Variants in DNAH8 observed in about 807,000 individuals in gnomAD.
DNAH8 encodes axonemal beta dynein heavy chain 8.
DNAH8 carries 382 observed loss-of-function variants against 562.1 expected under a neutral mutation model. That is an observed-to-expected ratio of 0.68 (90% CI 0.63 to 0.74). The LOEUF is 0.74. DNAH8 is among the 30% of genes least tolerant of loss of function. The probability of loss-of-function intolerance (pLI) is 0.00; values close to 1 mark genes in which losing one functional copy is unlikely to be tolerated. For missense variants in DNAH8, 5,203 were observed against 5,620.4 expected, an observed-to-expected ratio of 0.93 and a Z score of 2.37; for synonymous variants, 1,881 against 1,919.4, an observed-to-expected ratio of 0.98 and a Z score of 0.52.
At chr6:38,923,651 G>A (rs1781891866) in intron 72 of DNAH8, 1 of 225,998 alleles carries the variant, frequency 4.4e-6, no homozygotes. Flanking sequence ...AATAAAAAGG[G>A]AGGGGAAAGA....
At chr6:38,729,801 G>A (rs890265768) in intron 3 of DNAH8, 101 bp from the exon 4 acceptor site, 7 of 654,916 alleles carry the variant, frequency 1.1e-5, no homozygotes, top group Middle Eastern at 4.1e-4. Context: ...TTGCCTTTAT[G>A]TACCTTTGAA....
intron 18 of DNAH8, among the ~76,000 whole-genome samples, chr6:38,788,425 CA>C (rs1458317947): frequency 6.6e-6 from 1 of 152,220 alleles, no homozygotes; most frequent in Non-Finnish European, 1.5e-5. Context: ...GCTGGGATTA[CA>C]GGCCTGAGCC....
intron 73 of DNAH8, 88 bp downstream of exon 73, chr6:38,924,250 C>A: frequency 1.5e-6 from 2 of 1,327,140 alleles, no homozygotes; most frequent in South Asian, 1.3e-5. Flanking sequence ...TGGTGGCTCA[C>A]ATCTGTAATC....
chr6:38,723,539 G>C (rs1762950944), intron 3 of DNAH8, 68 bp downstream of exon 3: 2 of 1,502,170 alleles, frequency 1.3e-6, no homozygotes, highest in Non-Finnish European at 1.8e-6. Context: ...AGAAAATAGA[G>C]TTGTCATAAA....
chr6:38,738,989 A>G (rs939405009), intron 7 of DNAH8, among the ~76,000 whole-genome samples: 1 of 152,064 alleles, frequency 6.6e-6, no homozygotes, highest in African/African-American at 2.4e-5. Context: ...ACTTGGTATT[A>G]CCCTAAATAC....
chr6:38,873,048 T>C lies in DNAH8; in HGVS notation c.7380T>C (p.Phe2460=), dbSNP rs1328948005. The stretch of plus-strand genomic sequence containing the variant: ...TGGCCCCTAGTTGTAAGCTTCTGTT[T>C]GAAGTCCACAATATCGAGAACGCCT... ...IPMAPSCKLL[F]EVHNIENASP... The change falls in exon 51 of 93, where the codon TTT becomes TTC. Residue 2460 remains phenylalanine, a synonymous_variant. Transcript: ENST00000327475. 1 of 1,614,048 alleles carries C rather than the reference T, an allele frequency of 6.2e-7. No individual in the cohort carries two copies. Among genetic ancestry groups the C allele is most frequent in the African/African-American group, 1.3e-5 (1 of 74,936 alleles).
In DNAH8 at chr6:38,918,307, A is replaced by T. The variant is rs187033552; in HGVS notation, c.10524+167A>T. Among the ~76,000 whole-genome samples the T allele has an allele frequency of 3.1e-3, 473 of 152,270 alleles. 8 individuals are homozygous for T. Among genetic ancestry groups the T allele is most frequent in the Admixed American group, 0.028 (422 of 15,292 alleles). On this transcript the variant is annotated intron_variant, in intron 70 of 92. Transcript: ENST00000327475. ...CCTCTCAAAGTTTCTCCTTCTTTTT[A>T]TATCTGTTACATGTTTCTTGACAAT...
At chr6:38,839,883 A>G (rs2150367294) in intron 33 of DNAH8, among the ~76,000 whole-genome samples, 1 of 152,130 alleles carries the variant, frequency 6.6e-6, no homozygotes, top group East Asian at 1.9e-4. Flanking sequence ...GCTGGTCTCA[A>G]ACTCCTGACC....
At chr6:38,980,850 C>T (rs145865340) in intron 85 of DNAH8, among the ~76,000 whole-genome samples, 41 of 152,234 alleles carry the variant, frequency 2.7e-4, no homozygotes, top group Non-Finnish European at 4.1e-4. Flanking sequence ...ACTTTAAAAG[C>T]ATACCCTGAA....
chr6:38,923,905 C>G, intron 72 of DNAH8, 86 bp from the exon 73 acceptor site: 4 of 1,414,578 alleles, frequency 2.8e-6, no homozygotes, highest in Non-Finnish European at 3.9e-6. Context: ...GGATTTCACC[C>G]AGTAACAGAG....
At position 38,918,041 on chromosome 6, in the gene DNAH8, A is replaced by C. The variant is rs1397572434; in HGVS notation, c.10425A>C (p.Glu3475Asp). 5 of 1,613,888 alleles carry C rather than the reference A, an allele frequency of 3.1e-6. No individual in the cohort carries two copies. Among genetic ancestry groups the C allele is most frequent in the Non-Finnish European group, 4.2e-6 (5 of 1,179,882 alleles). Residue 3475 changes from glutamate to aspartate, a missense_variant, in exon 70 of 93, where the codon GAA (glutamate) becomes GAC (aspartate). Glu to Asp is a conservative substitution (Grantham distance 45). This residue lies in a region of DNAH8 where 1,399 missense variants were observed against 1,518.4 expected (regional missense o/e 0.92). Coordinates refer to ENST00000327475, the MANE Select transcript of DNAH8 (RefSeq NM_001206927.2). ...PYFNMDDYTF[E>D]SAKKVCGNVA... ...TTAATATGGATGATTATACTTTTGAAAGTGCCAAAAAAGTCTGTGGGAATG... is the reference window on the plus strand; with the variant it reads ...TTAATATGGATGATTATACTTTTGACAGTGCCAAAAAAGTCTGTGGGAATG...
In DNAH8 at chr6:38,882,100, C is replaced by T. The variant is rs1201582137; in HGVS notation, c.7859-810C>T. On this transcript the variant is annotated intron_variant, in intron 53 of 92. Transcript: ENST00000327475. ...TTGTGGAGAAAAGGAAATGCTTCTA[C>T]ACTGCTAGTGGGAATGTAAATTAGT... 2.6e-5 allele frequency among the ~76,000 whole-genome samples: 4 copies of T among 152,136 alleles called. No individual in the cohort carries two copies. The East Asian group carries it at 5.8e-4, about 22-fold the overall frequency.
chr6:38,922,505 T>C (rs143654635), intron 71 of DNAH8, among the ~76,000 whole-genome samples: 64 of 152,304 alleles, frequency 4.2e-4, no homozygotes, highest in Non-Finnish European at 7.6e-4. Context: ...GCTTTTGTTA[T>C]TTATTACTTT....
intron 14 of DNAH8, 64 bp from the exon 15 acceptor site, chr6:38,779,902 T>A: frequency 1.4e-6 from 2 of 1,438,616 alleles, no homozygotes; most frequent in Non-Finnish European, 1.9e-6. Context: ...ATGGTTAGTA[T>A]GACAGCAAGT....
At chr6:38,861,085 T>C (rs1422428908) in intron 43 of DNAH8, among the ~76,000 whole-genome samples, 1 of 152,250 alleles carries the variant, frequency 6.6e-6, no homozygotes. Flanking sequence ...AGGCAATTAC[T>C]AGGTCTTTTT....
intron 88 of DNAH8, among the ~76,000 whole-genome samples, chr6:39,004,411 C>T (rs1293131528): frequency 6.6e-6 from 1 of 152,158 alleles, no homozygotes; most frequent in African/African-American, 2.4e-5. Context: ...CTTTTCTATA[C>T]TTCAAACCTT....
At chr6:38,720,983 A>C (rs951736915) in intron 1 of DNAH8, among the ~76,000 whole-genome samples, 6 of 152,196 alleles carry the variant, frequency 3.9e-5, no homozygotes, top group Non-Finnish European at 8.8e-5. Flanking sequence ...GATCAAGCAA[A>C]GAAAGAATCA....
intron 57 of DNAH8, among the ~76,000 whole-genome samples, chr6:38,890,315 T>C (rs1236553835): frequency 6.6e-6 from 1 of 152,180 alleles, no homozygotes; most frequent in African/African-American, 2.4e-5. Flanking sequence ...GTTGCTTGGG[T>C]TCACATCTCA....
In DNAH8 at chr6:38,722,916, C is replaced by T; in HGVS notation, c.107C>T (p.Pro36Leu). 3 of 1,612,460 alleles carry T rather than the reference C, an allele frequency of 1.9e-6. No homozygotes were observed. The highest frequency in any genetic ancestry group is 2.5e-6 in the Non-Finnish European group (3 of 1,179,642). The change falls in exon 2 of 93, where the codon CCT (proline) becomes CTT (leucine). Residue 36 changes from proline (P) to leucine (L), a missense_variant. Around this residue, in one of 6 missense-constraint regions of DNAH8, gnomAD observed 556 missense variants for 496.9 expected, o/e 1.12. Coordinates refer to ENST00000327475, the MANE Select transcript of DNAH8 (RefSeq NM_001206927.2). ...TCAGAAGAGGAAGAGGCCCCGCGCC[C>T]TCCGACAGTGGAGGCCCCGGCAGAA... ...PRSEEEEAPR[P>L]PTVEAPAEDG...
Sources: gnomAD v4.1 joint callset for allele counts (sites outside exome capture counted in the v4.1 genomes callset) on GRCh38, gnomAD v4.1.1 for gene constraint, gnomAD v4.1.1 regional missense constraint, MANE v1.5 for transcripts, NCBI Gene and HGNC (gene_info 2026-07-23, HGNC 2026-07-21) for gene names.